Variants in MGAT1 observed in about 807,000 individuals in gnomAD.
MGAT1 encodes N-glycosyl-oligosaccharide-glycoprotein N-acetylglucosaminyltransferase I.
In MGAT1, 14 loss-of-function variants were observed where a neutral mutation model predicts 31.7. The observed-to-expected ratio is 0.44, with a 90% CI of 0.29 to 0.69. The LOEUF (loss-of-function observed/expected upper bound fraction) is 0.69, where lower values mean the gene tolerates loss of function less well. Among genes scored for constraint, MGAT1 ranks in the 30% least tolerant of loss-of-function variants. The pLI is 0.12. For synonymous variants in MGAT1, 338 were observed against 276.0 expected (o/e 1.22, Z -2.23); for missense variants, 557 against 626.0 (o/e 0.89, Z 1.18).
chr5:180,801,772 T>C (rs1380224305), intron 1 of MGAT1, among the ~76,000 whole-genome samples: 1 of 152,196 alleles, frequency 6.6e-6, no homozygotes, highest in African/African-American at 2.4e-5. Context: ...CTGACGACAG[T>C]GACAATTTCC....
intron 1 of MGAT1, among the ~76,000 whole-genome samples, chr5:180,799,165 A>ACAAACT (rs944179501): frequency 4.6e-5 from 7 of 152,188 alleles, no homozygotes; most frequent in Non-Finnish European, 2.9e-5. Context: ...TGCACTGCCC[A>ACAAACT]CAAACTCAAA....
chr5:180,809,580 TTAAC>T (rs1395390761), intron 1 of MGAT1: 1 of 152,036 alleles, frequency 6.6e-6, no homozygotes, highest in Non-Finnish European at 1.5e-5. Flanking sequence ...CTTTGCTCCT[TTAAC>T]TAAGCTCCCC....
rs781154527 is a variant in MGAT1 at position 180,792,210 on chromosome 5, C to T, written c.762G>A (p.Arg254=). The change falls in exon 2 of 2, where the codon AGG becomes AGA. Residue 254 remains arginine (R), a synonymous_variant. Transcript: ENST00000307826. ...NGKEQMVDAS[R]PELLYRTDFF... ...AGTCGGTGCGGTAGAGCAGCTCAGG[C>T]CTGCTGGCGTCCACCATCTGCTCCT... 3 of 1,613,090 alleles carry T rather than the reference C, an allele frequency of 1.9e-6. No homozygotes were observed. Among genetic ancestry groups the T allele is most frequent in the South Asian group, 2.2e-5 (2 of 91,086 alleles).
intron 1 of MGAT1, among the ~76,000 whole-genome samples, chr5:180,801,729 T>C (rs1178338486): frequency 6.6e-6 from 1 of 152,162 alleles, no homozygotes. Flanking sequence ...ACAGGGTTGA[T>C]TTGGTTCATC....
chr5:180,811,255 C>G (rs939015349), intron 1 of MGAT1: 1 of 152,202 alleles, frequency 6.6e-6, no homozygotes, highest in African/African-American at 2.4e-5. Context: ...AGAGCACGGA[C>G]TGACTTAACA....
Position 180,791,676 on chromosome 5 carries a change from C to A in MGAT1, c.1296G>T (p.Ala432=), listed in dbSNP as rs773672393. The A allele has an allele frequency of 6.2e-7, 1 of 1,613,774 alleles. No individual in the cohort carries two copies. ...FQFRGRRVHL[A]PPLTWEGYDP... ...CATAGCCCTCCCACGTCAGTGGGGG[C>A]GCCAGGTGGACACGGCGGCCCCGGA... is the stretch of plus-strand genomic sequence containing the variant. Residue 432 remains alanine, a synonymous_variant, in exon 2 of 2, where the codon GCG becomes GCT. Transcript: ENST00000307826.
intron 1 of MGAT1, chr5:180,809,310 CATATT>C (rs1422073751): frequency 2.0e-5 from 3 of 152,254 alleles, no homozygotes; most frequent in African/African-American, 4.8e-5. Context: ...ATAATATAAA[CATATT>C]ATATGTATGT....
intron 1 of MGAT1, among the ~76,000 whole-genome samples, chr5:180,798,201 G>A (rs1345202228): frequency 6.6e-6 from 1 of 152,172 alleles, no homozygotes. Flanking sequence ...TTAGAACAGT[G>A]CCGGCATGAC....
At position 180,786,868 on chromosome 5, in the gene MGAT1, G is replaced by A. The variant is rs1767600726; in HGVS notation, c.*4766C>T. ...TTCTGACACACTGTCTTACAGTTCT[G>A]GTATAAAGGGTCAGACTTCAAGTTA... On this transcript the variant is annotated 3_prime_UTR_variant, in exon 2 of 2. Coordinates refer to ENST00000307826, the MANE Select transcript of MGAT1 (RefSeq NM_002406.4). The A allele has an allele frequency of 6.6e-6, 1 of 152,248 alleles. No homozygotes were observed. The highest frequency in any genetic ancestry group is 2.4e-5 in the African/African-American group (1 of 41,430). 9.4% of individuals were successfully genotyped at this position (152,248 alleles called of 1,614,324 possible). A position where few individuals can be genotyped will look rare whatever the true frequency, so the allele number is the denominator to read the frequency against.
At chr5:180,802,502 G>C (rs1364306852) in intron 1 of MGAT1, among the ~76,000 whole-genome samples, 178 bp downstream of exon 1, 1 of 152,188 alleles carries the variant, frequency 6.6e-6, no homozygotes, top group Non-Finnish European at 1.5e-5. Context: ...CTCTCGGCTC[G>C]GGAAGGGACT....
chr5:180,797,429 A>ACCCG (rs1491382896), intron 1 of MGAT1, among the ~76,000 whole-genome samples: 1 of 90,402 alleles, frequency 1.1e-5, no homozygotes, highest in Non-Finnish European at 2.2e-5. Context: ...AAAAAAAAAA[A>ACCCG]GGGGGGGGGG....
chr5:180,809,974 C>A (rs778443039), intron 1 of MGAT1: 11 of 152,344 alleles, frequency 7.2e-5, no homozygotes, highest in Admixed American at 2.0e-4. Flanking sequence ...GCGACCCTTC[C>A]TGGACTCTGA....
Position 180,791,724 on chromosome 5 carries a change from G to A in MGAT1, c.1248C>T (p.Tyr416=), listed in dbSNP as rs145828238. 3 of 1,614,038 alleles carry A rather than the reference G, an allele frequency of 1.9e-6. No homozygotes were observed. The highest frequency in any genetic ancestry group is 2.5e-6 in the Non-Finnish European group (3 of 1,180,024). The change falls in exon 2 of 2, where the codon TAC becomes TAT. Residue 416 remains tyrosine (Y), a synonymous_variant. Coordinates refer to ENST00000307826, the MANE Select transcript of MGAT1 (RefSeq NM_002406.4). The part of the protein sequence containing the change: ...DLKSGVPRAG[Y]RGIVTFQFRG... The stretch of plus-strand genomic sequence containing the variant: ...GGAACTGGAAGGTGACAATACCCCG[G>A]TAGCCAGCTCTCGGAACCCCCGACT...
At chr5:180,812,272 C>A (rs769399269) in intron 1 of MGAT1, among the ~76,000 whole-genome samples, 4 of 152,188 alleles carry the variant, frequency 2.6e-5, no homozygotes, top group Non-Finnish European at 5.9e-5. Flanking sequence ...TATTCCCCTT[C>A]GGGCTTCTCT....
chr5:180,797,431 G>GAAAA (rs1561842823), intron 1 of MGAT1, among the ~76,000 whole-genome samples: 2 of 132,674 alleles, frequency 1.5e-5, no homozygotes, highest in African/African-American at 6.0e-5. Flanking sequence ...AAAAAAAAAG[G>GAAAA]GGGGGGGGGC....
intron 1 of MGAT1, among the ~76,000 whole-genome samples, chr5:180,794,337 T>C (rs913794804): frequency 3.3e-5 from 5 of 151,342 alleles, no homozygotes; most frequent in Non-Finnish European, 5.9e-5. Context: ...TGTAGTGAGC[T>C]GTGATTGGAT....
chr5:180,801,619 G>A (rs1770783462), intron 1 of MGAT1, among the ~76,000 whole-genome samples: 1 of 152,220 alleles, frequency 6.6e-6, no homozygotes, highest in Non-Finnish European at 1.5e-5. Flanking sequence ...TGCCACAAAA[G>A]GCATGAGGCC....
At chr5:180,812,858 C>G (rs888521587) in intron 1 of MGAT1, among the ~76,000 whole-genome samples, 1 of 151,940 alleles carries the variant, frequency 6.6e-6, no homozygotes, top group African/African-American at 2.4e-5. Context: ...AAAAAATATG[C>G]AATAATTACA....
rs1489760891 is a variant in MGAT1 at position 180,789,332 on chromosome 5, G to A, written c.*2302C>T. The A allele has an allele frequency of 6.6e-6, 1 of 152,310 alleles. No homozygotes were observed. The highest frequency in any genetic ancestry group is 1.5e-5 in the Non-Finnish European group (1 of 68,108). The allele number at this position is 152,310 out of a possible 1,614,324, so 9.4% of individuals were successfully genotyped here. A position where few individuals can be genotyped will look rare whatever the true frequency, so the allele number is the denominator to read the frequency against. On this transcript the variant is annotated 3_prime_UTR_variant, in exon 2 of 2. Transcript: ENST00000307826. ...AGTTTCGCTCTTACCGCCCAGGCTGGAGTGCAGTGGTGCGATCTCAGGTCA... is the reference window on the plus strand; with the variant it reads ...AGTTTCGCTCTTACCGCCCAGGCTGAAGTGCAGTGGTGCGATCTCAGGTCA...
Sources: gnomAD v4.1 joint callset for allele counts (sites outside exome capture counted in the v4.1 genomes callset) on GRCh38, gnomAD v4.1.1 for gene constraint, MANE v1.5 for transcripts, NCBI Gene and HGNC (gene_info 2026-07-23, HGNC 2026-07-21) for gene names.